LRP1B: variants seen among roughly 807,000 people sequenced by gnomAD.
LRP1B encodes LDL receptor related protein 1B.
Under a neutral mutation model 556.6 loss-of-function variants are expected in LRP1B, and 217 were observed. The observed-to-expected ratio is 0.39, with a 90% CI of 0.35 to 0.44. LRP1B has a LOEUF of 0.44. Among genes scored for constraint, LRP1B ranks in the 20% least tolerant of loss-of-function variants. LRP1B has a pLI of 1.00. For missense variants in LRP1B, 5,053 were observed against 5,620.8 expected (o/e 0.90, Z 3.23); for synonymous variants, 2,047 against 1,865.8 (o/e 1.10, Z -2.50).
At chr2:141,057,776 T>A (rs1443440331) in intron 9 of LRP1B, among the ~76,000 whole-genome samples, 1 of 151,858 alleles carries the variant, frequency 6.6e-6, no homozygotes, top group Non-Finnish European at 1.5e-5. Context: ...GGTACGTCTT[T>A]ATCAGCAGTG....
chr2:141,495,309 T>A (rs1436654329), intron 2 of LRP1B, among the ~76,000 whole-genome samples: 1 of 152,110 alleles, frequency 6.6e-6, no homozygotes, highest in African/African-American at 2.4e-5. Context: ...AGAAAGTCAT[T>A]GATTTATTTT....
chr2:141,581,295 A>G (rs894521879), intron 2 of LRP1B, among the ~76,000 whole-genome samples: 14 of 152,194 alleles, frequency 9.2e-5, no homozygotes, highest in African/African-American at 3.1e-4. Flanking sequence ...AGAATTGTTT[A>G]AAAACGATTT....
At chr2:141,345,181 C>G (rs535422075) in intron 3 of LRP1B, among the ~76,000 whole-genome samples, 1 of 147,628 alleles carries the variant, frequency 6.8e-6, no homozygotes, top group Admixed American at 6.7e-5. Context: ...AAAAAAAAAA[C>G]CCACAAGAAA....
intron 7 of LRP1B, among the ~76,000 whole-genome samples, chr2:141,080,946 C>T (rs574047178): frequency 6.6e-6 from 1 of 152,170 alleles, no homozygotes; most frequent in African/African-American, 2.4e-5. Flanking sequence ...CTGCCCACCC[C>T]TTAGTCCTCT....
chr2:141,492,465 T>C (rs1398681854), intron 2 of LRP1B, among the ~76,000 whole-genome samples: 1 of 152,134 alleles, frequency 6.6e-6, no homozygotes, highest in Non-Finnish European at 1.5e-5. Context: ...ATGCAGACAA[T>C]GTGTAGAAAG....
chr2:141,166,544 T>C (rs1680271126), intron 7 of LRP1B, among the ~76,000 whole-genome samples: 1 of 151,912 alleles, frequency 6.6e-6, no homozygotes, highest in Admixed American at 6.6e-5. Flanking sequence ...ACATTCCATT[T>C]ATACTCTTAG....
At chr2:140,270,119 G>T (rs1023552552) in intron 86 of LRP1B, 123 bp downstream of exon 86, 17 of 673,022 alleles carry the variant, frequency 2.5e-5, no homozygotes, top group Non-Finnish European at 3.2e-5. Flanking sequence ...GACAATACTT[G>T]ATCAGAGATG....
intron 49 of LRP1B, among the ~76,000 whole-genome samples, chr2:140,521,345 C>T (rs979074747): frequency 6.6e-6 from 1 of 152,072 alleles, no homozygotes; most frequent in Non-Finnish European, 1.5e-5. Context: ...AGACTAACAA[C>T]AGACTTCTCA....
In LRP1B at chr2:140,815,863, C is replaced by T. The variant is rs1691100695; in HGVS notation, c.5210-2057G>A. On this transcript the variant is annotated intron_variant, in intron 31 of 90. Coordinates refer to ENST00000389484, the MANE Select transcript of LRP1B (RefSeq NM_018557.3). The stretch of plus-strand genomic sequence containing the variant: ...GGCTTCACAGAGGGAAGAATGTTGT[C>T]TCTCTTTTTTTTTTTTTTTTGGATC... 3.1e-5 allele frequency among the ~76,000 whole-genome samples: 2 copies of T among 64,758 alleles called. 1 individual carries two copies. Among genetic ancestry groups the T allele is most frequent in the Non-Finnish European group, 8.0e-5 (2 of 25,078 alleles). 42.5% of individuals were successfully genotyped at this position (64,758 alleles called of 152,430 possible).
At chr2:140,559,260 G>A (rs539141627) in intron 43 of LRP1B, among the ~76,000 whole-genome samples, 17 of 151,362 alleles carry the variant, frequency 1.1e-4, no homozygotes, top group African/African-American at 4.1e-4. Flanking sequence ...AAGATAAAAA[G>A]GAAAACTAGA....
chr2:140,904,180 G>A lies in LRP1B; in HGVS notation c.3521-1015C>T, dbSNP rs182120977. ...GAAAAATTGTATAAAAGCACACATT[G>A]TCCTAAAATTTACTCAGAATTGTCT... On this transcript the variant is annotated intron_variant, in intron 22 of 90. Transcript: ENST00000389484. Among the ~76,000 whole-genome samples, 169 of 152,032 alleles carry A rather than the reference G, an allele frequency of 1.1e-3. 1 individual carries two copies. Among genetic ancestry groups the A allele is most frequent in the African/African-American group, 3.9e-3 (161 of 41,508 alleles).
chr2:141,676,717 G>A (rs1476570651), intron 2 of LRP1B, among the ~76,000 whole-genome samples: 3 of 152,142 alleles, frequency 2.0e-5, no homozygotes, highest in Admixed American at 2.0e-4. Context: ...TGGATGGCTA[G>A]CGAGGTTATG....
chr2:141,152,353 G>A (rs192367664), intron 7 of LRP1B, among the ~76,000 whole-genome samples: 17 of 151,864 alleles, frequency 1.1e-4, no homozygotes, highest in Admixed American at 2.6e-4. Context: ...TCTCTAAACC[G>A]AACTAACTAT....
At chr2:141,875,215 G>A (rs1334790178) in intron 1 of LRP1B, among the ~76,000 whole-genome samples, 1 of 151,428 alleles carries the variant, frequency 6.6e-6, no homozygotes, top group Non-Finnish European at 1.5e-5. Context: ...TTTCCATGTT[G>A]CCCAGGCGGG....
intron 29 of LRP1B, among the ~76,000 whole-genome samples, chr2:140,841,431 A>T (rs1001688117): frequency 2.6e-5 from 4 of 152,216 alleles, no homozygotes; most frequent in African/African-American, 9.6e-5. Flanking sequence ...TAGCTTCTCC[A>T]GTTGATAGCA....
chr2:141,872,404 AAAT>A (rs1318540605), intron 1 of LRP1B, among the ~76,000 whole-genome samples: 1 of 151,978 alleles, frequency 6.6e-6, no homozygotes, highest in African/African-American at 2.4e-5. Context: ...GATTTGACTT[AAAT>A]AATAATAAAG....
intron 32 of LRP1B, among the ~76,000 whole-genome samples, chr2:140,792,596 A>G (rs906208495): frequency 3.9e-5 from 6 of 152,170 alleles, no homozygotes; most frequent in African/African-American, 1.2e-4. Flanking sequence ...GGAGGAATCT[A>G]AAAAATGAGA....
chr2:141,098,520 C>T (rs986889977), intron 7 of LRP1B, among the ~76,000 whole-genome samples: 1 of 152,094 alleles, frequency 6.6e-6, no homozygotes, highest in Non-Finnish European at 1.5e-5. Context: ...ACCCTCAGAC[C>T]TCTCAATTGT....
intron 41 of LRP1B, among the ~76,000 whole-genome samples, chr2:140,661,139 T>C (rs1685077622): frequency 6.6e-6 from 1 of 152,150 alleles, no homozygotes. Context: ...GGTGAATAAA[T>C]AGTAAGTTAC....
Sources: gnomAD v4.1 joint callset for allele counts (sites outside exome capture counted in the v4.1 genomes callset) on GRCh38, gnomAD v4.1.1 for gene constraint, MANE v1.5 for transcripts, NCBI Gene and HGNC (gene_info 2026-07-23, HGNC 2026-07-21) for gene names.